The following SKI variants were observed in gnomAD, a reference collection of about 807,000 sequenced individuals.
SKI encodes the protein ski oncogene.
In SKI, 23 loss-of-function variants were observed where a neutral mutation model predicts 59.3. The ratio of observed to expected loss-of-function variants is 0.39; its 90% CI spans 0.28 to 0.55. SKI has a LOEUF of 0.55. SKI is among the 20% of genes least tolerant of loss of function. The pLI, the probability that SKI is intolerant of heterozygous loss-of-function variation, is 0.67. For synonymous variants in SKI, 673 were observed against 488.6 expected (o/e 1.38, Z -4.98); for missense variants, 1,017 against 1,038.9 (o/e 0.98, Z 0.29).
intron 1 of SKI, among the ~76,000 whole-genome samples, chr1:2,264,821 T>A (rs909635732): frequency 2.0e-5 from 3 of 151,932 alleles, no homozygotes; most frequent in Admixed American, 2.0e-4. Flanking sequence ...TTCTTTCCTT[T>A]GTTTTTTTGA....
At chr1:2,259,290 G>C (rs1183735038) in intron 1 of SKI, among the ~76,000 whole-genome samples, 2 of 152,208 alleles carry the variant, frequency 1.3e-5, no homozygotes, top group Non-Finnish European at 2.9e-5. Flanking sequence ...AAATATGTGT[G>C]ATTTGGTCCC....
At chr1:2,237,239 GC>G (rs1638767740) in intron 1 of SKI, among the ~76,000 whole-genome samples, 1 of 152,182 alleles carries the variant, frequency 6.6e-6, no homozygotes, top group African/African-American at 2.4e-5. Context: ...TGGTGGGAGG[GC>G]AGGGAGCGCC....
At chr1:2,231,059 A>G (rs556897850) in intron 1 of SKI, among the ~76,000 whole-genome samples, 4 of 152,232 alleles carry the variant, frequency 2.6e-5, no homozygotes, top group Admixed American at 2.0e-4. Flanking sequence ...GGGCTGGGGA[A>G]GGATGCTCGT....
intron 1 of SKI, among the ~76,000 whole-genome samples, chr1:2,285,044 G>T (rs2100881980): frequency 6.6e-6 from 1 of 152,312 alleles, no homozygotes; most frequent in South Asian, 2.1e-4. Context: ...GGCCACCAGG[G>T]TATCTGGAGG....
chr1:2,285,307 G>A (rs2100882527), intron 1 of SKI, among the ~76,000 whole-genome samples: 1 of 152,266 alleles, frequency 6.6e-6, no homozygotes, highest in Non-Finnish European at 1.5e-5. Context: ...GAGGTCAGGA[G>A]TTCAAGACCA....
At position 2,229,498 on chromosome 1, in the gene SKI, C is replaced by T; in HGVS notation, c.732C>T (p.Cys244=). The change falls in exon 1 of 7, where the codon TGC becomes TGT. Residue 244 remains cysteine, a synonymous_variant. Coordinates refer to ENST00000378536, the MANE Select transcript of SKI (RefSeq NM_003036.4). This position sits in a 1 kb window ranked among gnomAD's most constrained non-coding sequence, Gnocchi z 6.3. ...TCTACAGCAGCCCGAGCGCCGCCTG[C>T]ATCCAGTGCCTGGACTGCCGCCTCA... ...PELYSSPSAA[C]IQCLDCRLMY... 6.2e-7 allele frequency: 1 copy of T among 1,611,888 alleles called. No individual in the cohort carries two copies. Among genetic ancestry groups the T allele is most frequent in the South Asian group, 1.1e-5 (1 of 91,086 alleles).
intron 1 of SKI, among the ~76,000 whole-genome samples, chr1:2,283,607 A>G (rs1433361870): frequency 6.6e-6 from 1 of 152,158 alleles, no homozygotes; most frequent in East Asian, 1.9e-4. Context: ...CTGTGTCTCC[A>G]TGTTCAGGAC....
intron 1 of SKI, among the ~76,000 whole-genome samples, chr1:2,289,860 G>A (rs1236741408): frequency 6.6e-6 from 1 of 152,094 alleles, no homozygotes; most frequent in Non-Finnish European, 1.5e-5. Context: ...ACCTGGCTGG[G>A]CTGACTGGGC....
intron 1 of SKI, among the ~76,000 whole-genome samples, chr1:2,280,608 ATG>A (rs1639855388): frequency 6.8e-6 from 1 of 148,102 alleles, no homozygotes; most frequent in Non-Finnish European, 1.5e-5. Flanking sequence ...CAGAGAGAAG[ATG>A]CCCGAGAAGA....
At chr1:2,237,742 A>G (rs1286066268) in intron 1 of SKI, among the ~76,000 whole-genome samples, 1 of 152,260 alleles carries the variant, frequency 6.6e-6, no homozygotes, top group African/African-American at 2.4e-5. Context: ...AATAAGGCCC[A>G]TAGGCTGGGT....
intron 1 of SKI, among the ~76,000 whole-genome samples, chr1:2,260,195 T>C (rs746189060): frequency 1.3e-5 from 2 of 152,212 alleles, no homozygotes; most frequent in Non-Finnish European, 2.9e-5. Context: ...GCTTAGGCGT[T>C]CAGCCGTCCT....
intron 1 of SKI, among the ~76,000 whole-genome samples, chr1:2,293,365 G>A (rs1261518524): frequency 6.6e-6 from 1 of 152,102 alleles, no homozygotes; most frequent in Non-Finnish European, 1.5e-5. Context: ...GGGCCTGGAA[G>A]GTCCAGCCGA....
At position 2,306,184 on chromosome 1, in the gene SKI, G is replaced by A. The variant is rs1057521646; in HGVS notation, c.1932G>A (p.Ala644=). The A allele has an allele frequency of 4.4e-6, 7 of 1,588,066 alleles. No individual in the cohort carries two copies. Among genetic ancestry groups the A allele is most frequent in the Non-Finnish European group, 6.0e-6 (7 of 1,168,242 alleles). The change falls in exon 6 of 7, where the codon GCG becomes GCA. Residue 644 remains alanine, a synonymous_variant. Coordinates refer to ENST00000378536, the MANE Select transcript of SKI (RefSeq NM_003036.4). The part of the protein sequence containing the change: ...RLRLKRELEQ[A]RQARVCDKGC... ...GCCTGAAGCGGGAGCTGGAGCAGGCGCGGCAGGCCCGGGTGTGCGACAAGG... is the reference window on the plus strand; with the variant it reads ...GCCTGAAGCGGGAGCTGGAGCAGGCACGGCAGGCCCGGGTGTGCGACAAGG...
chr1:2,287,641 A>G (rs983675205), intron 1 of SKI, among the ~76,000 whole-genome samples: 2 of 152,076 alleles, frequency 1.3e-5, no homozygotes, highest in South Asian at 2.1e-4. Context: ...CTCTGTCTCA[A>G]GGTGGGCTAC....
intron 1 of SKI, among the ~76,000 whole-genome samples, chr1:2,254,733 C>CGTGTGT (rs139901487): frequency 2.0e-5 from 3 of 150,854 alleles, no homozygotes; most frequent in East Asian, 3.9e-4. Context: ...TCACTGCGTG[C>CGTGTGT]GTGTGTGTGT....
intron 1 of SKI, among the ~76,000 whole-genome samples, chr1:2,250,157 T>C (rs1639107652): frequency 6.6e-6 from 1 of 152,214 alleles, no homozygotes; most frequent in South Asian, 2.1e-4. Flanking sequence ...GCAGCCGCCT[T>C]GGCCTCCCAA....
Position 2,252,253 on chromosome 1 carries a change from G to A in SKI, c.969+22518G>A, listed in dbSNP as rs543666899. ...GGGTCCATTCATTTTTAGCTGCTCC[G>A]TGAAAGGTGAGAAAGCTGAGTAGGG... On this transcript the variant is annotated intron_variant, in intron 1 of 6. Transcript: ENST00000378536. 5.3e-5 allele frequency among the ~76,000 whole-genome samples: 8 copies of A among 152,288 alleles called. No homozygotes were observed. In the South Asian group the frequency reaches 1.7e-3, roughly 32 times the overall value.
Position 2,267,088 on chromosome 1 carries a change from C to A in SKI, c.970-35890C>A, listed in dbSNP as rs771811724. On this transcript the variant is annotated intron_variant, in intron 1 of 6. Coordinates refer to ENST00000378536, the MANE Select transcript of SKI (RefSeq NM_003036.4). This position sits in a 1 kb window ranked among gnomAD's most constrained non-coding sequence, Gnocchi z 4.1. ...ATTAAATTCGTTTTGTTAACATCTT[C>A]ATCACCGCCTTTTCAGTTTCAGCGG... 3.3e-5 allele frequency among the ~76,000 whole-genome samples: 5 copies of A among 152,222 alleles called. No individual in the cohort carries two copies. Among genetic ancestry groups the A allele is most frequent in the Non-Finnish European group, 5.9e-5 (4 of 68,046 alleles).
chr1:2,263,866 C>CA (rs34134821), intron 1 of SKI, among the ~76,000 whole-genome samples: 24,141 of 95,200 alleles, frequency 0.25, 2,648 homozygotes, highest in Middle Eastern at 0.39. Flanking sequence ...GACTCCATCT[C>CA]AAAAAAAAAA....
Sources: gnomAD v4.1 joint callset for allele counts (sites outside exome capture counted in the v4.1 genomes callset) on GRCh38, gnomAD v4.1.1 for gene constraint, Gnocchi (gnomAD v3.1) non-coding constraint, MANE v1.5 for transcripts, NCBI Gene and HGNC (gene_info 2026-07-23, HGNC 2026-07-21) for gene names.